The following WWC2 variants were observed in gnomAD, a reference collection of about 807,000 sequenced individuals.
WWC2 encodes protein WWC2.
WWC2 carries 101 observed loss-of-function variants against 138.5 expected under a neutral mutation model. The observed-to-expected ratio is 0.73, with a 90% CI of 0.62 to 0.86. The LOEUF (loss-of-function observed/expected upper bound fraction) is 0.86. Among genes scored for constraint, WWC2 ranks in the 40% least tolerant of loss-of-function variants. WWC2 has a pLI of 0.00. For missense variants in WWC2, 1,420 were observed against 1,419.4 expected, an observed-to-expected ratio of 1.00 and a Z score of -0.01; for synonymous variants, 558 against 538.4, an observed-to-expected ratio of 1.04 and a Z score of -0.50.
At chr4:183,116,328 G>A (rs537483853) in intron 1 of WWC2, among the ~76,000 whole-genome samples, 4 of 152,282 alleles carry the variant, frequency 2.6e-5, no homozygotes, top group East Asian at 3.9e-4. Flanking sequence ...CTTCATGAGG[G>A]CAGGTATTGT....
chr4:183,160,171 AT>A (rs1357587465), intron 1 of WWC2, among the ~76,000 whole-genome samples: 1 of 152,174 alleles, frequency 6.6e-6, no homozygotes, highest in Non-Finnish European at 1.5e-5. Flanking sequence ...GACAAATCTC[AT>A]TTCTTTTTCA....
chr4:183,274,134 C>T (rs1038185842), intron 16 of WWC2, among the ~76,000 whole-genome samples: 2 of 152,166 alleles, frequency 1.3e-5, no homozygotes, highest in Admixed American at 1.3e-4. Flanking sequence ...GCTTTGTAGT[C>T]ATTTTGAGAT....
intron 4 of WWC2, among the ~76,000 whole-genome samples, chr4:183,209,683 A>G (rs1261380713): frequency 6.6e-6 from 1 of 152,188 alleles, no homozygotes; most frequent in Non-Finnish European, 1.5e-5. Context: ...CAAGATGCCC[A>G]CAACTTAAAA....
chr4:183,268,029 C>T (rs1423950526), intron 14 of WWC2, among the ~76,000 whole-genome samples: 1 of 152,186 alleles, frequency 6.6e-6, no homozygotes, highest in Non-Finnish European at 1.5e-5. Flanking sequence ...GCTCTTTAAT[C>T]AACAGCAGTG....
In WWC2 at chr4:183,101,310, T is replaced by C. The variant is rs183107318; in HGVS notation, c.131+1688T>C. ...AGAAAGTGGAGTGAAATTATATGAC[T>C]TGGCTATCCATATCACTACTTTTTT... On this transcript the variant is annotated intron_variant, in intron 1 of 22. Coordinates refer to ENST00000403733, the MANE Select transcript of WWC2 (RefSeq NM_024949.6). Among the ~76,000 whole-genome samples, 20 of 152,386 alleles carry C rather than the reference T, an allele frequency of 1.3e-4. 1 individual carries two copies. The East Asian group carries it at 3.9e-3, about 29-fold the overall frequency.
In WWC2 at chr4:183,253,801, C is replaced by G. The variant is rs747848910; in HGVS notation, c.998C>G (p.Ala333Gly). Residue 333 changes from alanine to glycine, a missense_variant, in exon 9 of 23, where the codon GCC becomes GGC. Coordinates refer to ENST00000403733, the MANE Select transcript of WWC2 (RefSeq NM_024949.6). ...GAACTGTCAAAATTGGACAGTGAGG[C>G]CTGGCCTGGGGCACTGGATATTGAG... ...KIELSKLDSE[A>G]WPGALDIEKE... The G allele has an allele frequency of 1.9e-6, 3 of 1,613,386 alleles. No homozygotes were observed. In the South Asian group the frequency reaches 3.3e-5, roughly 18 times the overall value.
chr4:183,197,314 CATT>C (rs1258532038), intron 2 of WWC2, among the ~76,000 whole-genome samples: 1 of 152,238 alleles, frequency 6.6e-6, no homozygotes, highest in African/African-American at 2.4e-5. Flanking sequence ...TCCATTGTCT[CATT>C]AATCTTCAAG....
intron 4 of WWC2, among the ~76,000 whole-genome samples, chr4:183,231,624 C>G (rs1163907340): frequency 6.6e-6 from 1 of 152,006 alleles, no homozygotes; most frequent in Non-Finnish European, 1.5e-5. Context: ...AAAATTGATT[C>G]AACGAGGAAT....
chr4:183,191,605 G>A (rs1030598173), intron 1 of WWC2, among the ~76,000 whole-genome samples: 1 of 152,262 alleles, frequency 6.6e-6, no homozygotes, highest in Admixed American at 6.5e-5. Flanking sequence ...CTTCTAAGCC[G>A]GTGGTTCCCG....
chr4:183,263,901 A>G (rs1419451546), intron 11 of WWC2, among the ~76,000 whole-genome samples: 1 of 152,208 alleles, frequency 6.6e-6, no homozygotes, highest in African/African-American at 2.4e-5. Flanking sequence ...AGGTAAAGTC[A>G]AGTCCCTTTT....
chr4:183,120,899 C>G (rs1288525672), intron 1 of WWC2, among the ~76,000 whole-genome samples: 1 of 152,156 alleles, frequency 6.6e-6, no homozygotes, highest in African/African-American at 2.4e-5. Context: ...CAGGCATGAG[C>G]CACCATGCCC....
At chr4:183,107,561 A>C (rs1489540175) in intron 1 of WWC2, among the ~76,000 whole-genome samples, 1 of 152,148 alleles carries the variant, frequency 6.6e-6, no homozygotes, top group Admixed American at 6.6e-5. Flanking sequence ...AGTTGGGCCC[A>C]AGCCTCCCCT....
intron 2 of WWC2, among the ~76,000 whole-genome samples, chr4:183,206,776 C>T (rs954513998): frequency 1.3e-5 from 2 of 152,200 alleles, no homozygotes; most frequent in African/African-American, 4.8e-5. Context: ...CAAAACTGTC[C>T]GTTCTCTTGT....
At chr4:183,194,837 AC>A in intron 2 of WWC2, among the ~76,000 whole-genome samples, 1 of 152,332 alleles carries the variant, frequency 6.6e-6, no homozygotes, top group East Asian at 1.9e-4. Context: ...CAGCTTGGGA[AC>A]CAGCTTTCAT....
intron 16 of WWC2, 84 bp from the exon 17 acceptor site, chr4:183,280,692 G>T: frequency 1.4e-6 from 2 of 1,402,724 alleles, no homozygotes; most frequent in Non-Finnish European, 1.9e-6. Context: ...TTTACAGATA[G>T]AAGTGTAAAT....
At chr4:183,268,236 G>A (rs1293773589) in intron 14 of WWC2, among the ~76,000 whole-genome samples, 3 of 152,148 alleles carry the variant, frequency 2.0e-5, no homozygotes, top group African/African-American at 7.2e-5. Context: ...TCTCTTCCTG[G>A]GATTTAAAGG....
At chr4:183,299,344 C>G (rs1738745482) in intron 21 of WWC2, among the ~76,000 whole-genome samples, 1 of 152,150 alleles carries the variant, frequency 6.6e-6, no homozygotes. Flanking sequence ...AGATGCCAAG[C>G]CCGCTGCCCC....
intron 22 of WWC2, among the ~76,000 whole-genome samples, chr4:183,313,300 G>C (rs1207200426): frequency 2.0e-5 from 3 of 152,164 alleles, no homozygotes; most frequent in African/African-American, 7.2e-5. Flanking sequence ...GGCCAGCAGG[G>C]CTCTCCGTGC....
Position 183,099,529 on chromosome 4 carries a change from C to G in WWC2, c.38C>G (p.Pro13Arg). 7.1e-7 allele frequency: 1 copy of G among 1,401,004 alleles called. No homozygotes were observed. The highest frequency in any genetic ancestry group is 1.9e-4 in the Middle Eastern group (1 of 5,252). 86.8% of individuals were successfully genotyped at this position (1,401,004 alleles called of 1,614,324 possible). ...GCCGGGAGCGGTCAGCTGCCGCTGCCCCGGGGCTGGGAGGAGGCCAGGGAC... is the reference window on the plus strand; with the variant it reads ...GCCGGGAGCGGTCAGCTGCCGCTGCGCCGGGGCTGGGAGGAGGCCAGGGAC... ...RRAGSGQLPL[P>R]RGWEEARDYD... Residue 13 changes from proline to arginine, a missense_variant, in exon 1 of 23, where the codon CCC becomes CGC. By Grantham distance (103) the Pro-to-Arg change is moderately radical (BLOSUM62 -2). Transcript: ENST00000403733.
Sources: gnomAD v4.1 joint callset for allele counts (sites outside exome capture counted in the v4.1 genomes callset) on GRCh38, gnomAD v4.1.1 for gene constraint, MANE v1.5 for transcripts, NCBI Gene and HGNC (gene_info 2026-07-23, HGNC 2026-07-21) for gene names.